FAF1: variants seen among roughly 807,000 people sequenced by gnomAD.
The protein encoded by FAF1 is Fas associated factor 1.
A neutral mutation model predicts 92.5 loss-of-function variants in FAF1; 25 were observed. The ratio of observed to expected loss-of-function variants is 0.27; its 90% CI spans 0.20 to 0.38. The LOEUF is 0.38. FAF1 is among the 10% of genes least tolerant of loss of function. The probability of loss-of-function intolerance (pLI) is 1.00; values close to 1 mark genes in which losing one functional copy is unlikely to be tolerated. For missense variants in FAF1, 636 were observed against 793.3 expected, an observed-to-expected ratio of 0.80 and a Z score of 2.38; for synonymous variants, 234 against 273.2, an observed-to-expected ratio of 0.86 and a Z score of 1.42.
rs1650998992 is a variant in FAF1 at position 50,581,856 on chromosome 1, G to A, written c.1113+762C>T. Among the ~76,000 whole-genome samples, 4 of 152,206 alleles carry A rather than the reference G, an allele frequency of 2.6e-5. 1 individual carries two copies. The South Asian group carries it at 8.3e-4, about 32-fold the overall frequency. ...ATTTATTTATTAAGTGTGAGGCAGGGAATGGGAAGAGCTGAAGCTACATAG... is the reference window on the plus strand; with the variant it reads ...ATTTATTTATTAAGTGTGAGGCAGGAAATGGGAAGAGCTGAAGCTACATAG... On this transcript the variant is annotated intron_variant, in intron 12 of 18. Transcript: ENST00000396153.
chr1:50,831,490 A>T (rs1570020601), intron 2 of FAF1, among the ~76,000 whole-genome samples: 1 of 152,122 alleles, frequency 6.6e-6, no homozygotes, highest in Non-Finnish European at 1.5e-5. Context: ...GCTCCTTAAG[A>T]GCAAAGAATA....
chr1:50,640,261 T>C (rs893612175), intron 8 of FAF1, among the ~76,000 whole-genome samples: 5 of 151,770 alleles, frequency 3.3e-5, no homozygotes, highest in Non-Finnish European at 1.5e-5. Flanking sequence ...TTTGGCAATG[T>C]AATAAGCTGG....
chr1:50,687,536 T>C (rs1656723044), intron 7 of FAF1, among the ~76,000 whole-genome samples: 1 of 151,862 alleles, frequency 6.6e-6, no homozygotes, highest in African/African-American at 2.4e-5. Flanking sequence ...GATCACCTGA[T>C]GTCAGGAGTT....
intron 1 of FAF1, among the ~76,000 whole-genome samples, chr1:50,891,978 G>A (rs1277066657): frequency 6.6e-6 from 1 of 152,186 alleles, no homozygotes; most frequent in Non-Finnish European, 1.5e-5. Context: ...GAGGCAGGCA[G>A]GCCTCCTTGA....
intron 2 of FAF1, among the ~76,000 whole-genome samples, chr1:50,803,604 C>T (rs1257475089): frequency 6.6e-6 from 1 of 152,042 alleles, no homozygotes; most frequent in Admixed American, 6.6e-5. Context: ...TAGAGGAATA[C>T]AAAGAAAAGT....
chr1:50,941,329 C>T (rs1023428482), intron 1 of FAF1, among the ~76,000 whole-genome samples: 1 of 152,118 alleles, frequency 6.6e-6, no homozygotes, highest in African/African-American at 2.4e-5. Context: ...CGTGTCTCAG[C>T]CTCCCGAGTA....
chr1:50,928,605 A>G (rs1645023993), intron 1 of FAF1, among the ~76,000 whole-genome samples: 1 of 151,034 alleles, frequency 6.6e-6, no homozygotes, highest in African/African-American at 2.4e-5. Flanking sequence ...AACATAGTGA[A>G]ACCCCATCTC....
intron 1 of FAF1, among the ~76,000 whole-genome samples, chr1:50,890,549 C>G (rs1208537556): frequency 6.6e-6 from 1 of 152,174 alleles, no homozygotes; most frequent in Non-Finnish European, 1.5e-5. Context: ...TCTTGTAGAG[C>G]AGGCTTGGTG....
In FAF1 at chr1:50,789,306, C is replaced by T. The variant is rs969442743; in HGVS notation, c.162-1101G>A. Among the ~76,000 whole-genome samples the T allele has an allele frequency of 3.9e-5, 6 of 152,136 alleles. No homozygotes were observed. The South Asian group carries it at 8.3e-4, about 21-fold the overall frequency. ...GGCTCTACCCACTTAATAGCTGTCC[C>T]GTTTGTAAAATGGGAACAATAATTA... is the stretch of plus-strand genomic sequence containing the variant. On this transcript the variant is annotated intron_variant, in intron 3 of 18. Transcript: ENST00000396153.
At position 50,584,711 on chromosome 1, in the gene FAF1, G is replaced by A. The variant is rs776272769; in HGVS notation, c.941C>T (p.Ser314Leu). The A allele has an allele frequency of 4.6e-5, 74 of 1,613,440 alleles. No homozygotes were observed. Among genetic ancestry groups the A allele is most frequent in the Non-Finnish European group, 6.0e-5 (71 of 1,179,660 alleles). Residue 314 changes from serine to leucine, a missense_variant, in exon 10 of 19, where the codon TCA becomes TTA. Ser to Leu is a moderately radical substitution (Grantham distance 145, BLOSUM62 -2). Around this residue, in one of 2 missense-constraint regions of FAF1, gnomAD observed 319 missense variants for 451.0 expected, o/e 0.71. Transcript: ENST00000396153. The part of the protein sequence containing the change: ...VDDGEVFGMA[S>L]SALRKSPMMP... ...CATTGGAGATTTTCTCAAGGCAGAT[G>A]ACGCCATGCCAAATACTTCTCCATC...
chr1:50,746,435 C>G (rs1166980675), intron 4 of FAF1, among the ~76,000 whole-genome samples: 3 of 148,758 alleles, frequency 2.0e-5, no homozygotes, highest in Non-Finnish European at 4.4e-5. Flanking sequence ...TCCCAAGTAG[C>G]TGGGATTACA....
At chr1:50,777,374 G>A (rs1319174763) in intron 4 of FAF1, among the ~76,000 whole-genome samples, 1 of 152,072 alleles carries the variant, frequency 6.6e-6, no homozygotes, top group Non-Finnish European at 1.5e-5. Context: ...AGTGAGCTAT[G>A]GTCATATCAC....
chr1:50,584,589 G>T, intron 10 of FAF1, 96 bp downstream of exon 10: 1 of 1,178,328 alleles, frequency 8.5e-7, no homozygotes, highest in Non-Finnish European at 1.2e-6. Flanking sequence ...CAAACCTGGA[G>T]GTCAGTAAGA....
At chr1:50,934,872 A>G (rs1645074285) in intron 1 of FAF1, among the ~76,000 whole-genome samples, 1 of 152,092 alleles carries the variant, frequency 6.6e-6, no homozygotes, top group South Asian at 2.1e-4. Flanking sequence ...ACTGTTTCTG[A>G]TTAGACATTA....
chr1:50,906,426 G>A (rs1644839442), intron 1 of FAF1, among the ~76,000 whole-genome samples: 1 of 152,084 alleles, frequency 6.6e-6, no homozygotes, highest in African/African-American at 2.4e-5. Flanking sequence ...AAAGTCATTG[G>A]TGGCTTGATG....
chr1:50,472,424 A>ACACAG (rs1553216761), intron 18 of FAF1, among the ~76,000 whole-genome samples: 2 of 96,080 alleles, frequency 2.1e-5, no homozygotes, highest in Admixed American at 2.3e-4. Context: ...CACACACACA[A>ACACAG]ACCCCAAAAC....
intron 15 of FAF1, among the ~76,000 whole-genome samples, chr1:50,520,203 C>G (rs1647428157): frequency 6.6e-6 from 1 of 152,086 alleles, no homozygotes; most frequent in Non-Finnish European, 1.5e-5. Context: ...ATTGCAAGTA[C>G]CTGTTTCCTG....
intron 3 of FAF1, among the ~76,000 whole-genome samples, chr1:50,789,933 A>G (rs907844334): frequency 6.6e-6 from 1 of 152,120 alleles, no homozygotes; most frequent in Non-Finnish European, 1.5e-5. Flanking sequence ...TATTCCCTCT[A>G]AGAATATCCT....
chr1:50,814,249 T>C lies in FAF1; in HGVS notation c.115-12572A>G, dbSNP rs754027783. Among the ~76,000 whole-genome samples, 57 of 152,300 alleles carry C rather than the reference T, an allele frequency of 3.7e-4. 1 individual carries two copies. The highest frequency in any genetic ancestry group is 6.8e-3 in the Middle Eastern group (2 of 294). ...AGGCAAAGTAATACTAGGTATAATATTAGCCTAATATTATAGCTGCATATT... is the reference window on the plus strand; with the variant it reads ...AGGCAAAGTAATACTAGGTATAATACTAGCCTAATATTATAGCTGCATATT... On this transcript the variant is annotated intron_variant, in intron 2 of 18. Coordinates refer to ENST00000396153, the MANE Select transcript of FAF1 (RefSeq NM_007051.3).
Sources: allele counts gnomAD v4.1 joint callset (sites outside exome capture counted in the v4.1 genomes callset), GRCh38; gene constraint gnomAD v4.1.1; regional missense constraint gnomAD v4.1.1; transcripts MANE v1.5; gene names NCBI Gene and HGNC (gene_info 2026-07-23, HGNC 2026-07-21).